FBXL7: variants seen among roughly 807,000 people sequenced by gnomAD.
The protein encoded by FBXL7 is F-box and leucine rich repeat protein 7.
FBXL7 carries 12 observed loss-of-function variants against 38.3 expected under a neutral mutation model. That is an observed-to-expected ratio of 0.31 (90% CI 0.20 to 0.51). The LOEUF (loss-of-function observed/expected upper bound fraction) is 0.51, where lower values mean the gene tolerates loss of function less well. FBXL7 is among the 20% of genes least tolerant of loss of function. FBXL7 has a pLI of 0.98. For missense variants in FBXL7, 567 were observed against 676.4 expected, an observed-to-expected ratio of 0.84 and a Z score of 1.79; for synonymous variants, 297 against 300.9, an observed-to-expected ratio of 0.99 and a Z score of 0.13.
intron 2 of FBXL7, among the ~76,000 whole-genome samples, chr5:15,717,607 A>G (rs1744079051): frequency 2.0e-5 from 3 of 152,190 alleles, no homozygotes; most frequent in African/African-American, 7.2e-5. Flanking sequence ...GCATATTATA[A>G]TGTTTGGATG....
rs539507648 is a variant in FBXL7 at position 15,638,473 on chromosome 5, C to T, written c.127+22401C>T. On this transcript the variant is annotated intron_variant, in intron 2 of 3. Coordinates refer to ENST00000504595, the MANE Select transcript of FBXL7 (RefSeq NM_012304.5). ...CACCCTAGGCCTGTCTAATGAGAATCGGTATTTAAATATAACTTCTCCAAG... is the reference window on the plus strand; with the variant it reads ...CACCCTAGGCCTGTCTAATGAGAATTGGTATTTAAATATAACTTCTCCAAG... Among the ~76,000 whole-genome samples the T allele has an allele frequency of 4.2e-4, 64 of 152,242 alleles. 1 individual carries two copies. The highest frequency in any genetic ancestry group is 8.4e-4 in the Non-Finnish European group (57 of 68,032).
chr5:15,860,809 G>C (rs1375995877), intron 2 of FBXL7, among the ~76,000 whole-genome samples: 1 of 152,146 alleles, frequency 6.6e-6, no homozygotes, highest in African/African-American at 2.4e-5. Flanking sequence ...GAGTATTAGA[G>C]TTGACAGGAG....
intron 2 of FBXL7, among the ~76,000 whole-genome samples, chr5:15,682,517 A>G (rs1256944332): frequency 6.6e-6 from 1 of 152,120 alleles, no homozygotes; most frequent in Non-Finnish European, 1.5e-5. Context: ...TATTTTGGTA[A>G]ATAAAAATAT....
chr5:15,676,809 A>T (rs2126604843), intron 2 of FBXL7, among the ~76,000 whole-genome samples: 1 of 152,334 alleles, frequency 6.6e-6, no homozygotes, highest in South Asian at 2.1e-4. Flanking sequence ...TAGCTAGGAA[A>T]GCACTCATGA....
intron 2 of FBXL7, among the ~76,000 whole-genome samples, chr5:15,656,756 T>C (rs1741895259): frequency 6.6e-6 from 1 of 151,876 alleles, no homozygotes; most frequent in South Asian, 2.1e-4. Flanking sequence ...CTAATAGCCA[T>C]GTATAATTTG....
chr5:15,740,603 A>G (rs532094797), intron 2 of FBXL7, among the ~76,000 whole-genome samples: 28 of 152,340 alleles, frequency 1.8e-4, no homozygotes, highest in African/African-American at 5.1e-4. Context: ...TGAATCACAA[A>G]TGAGGGTGTT....
At chr5:15,627,594 G>A (rs1740860986) in intron 2 of FBXL7, among the ~76,000 whole-genome samples, 1 of 152,164 alleles carries the variant, frequency 6.6e-6, no homozygotes, top group Non-Finnish European at 1.5e-5. Context: ...TTTCAATGGA[G>A]CCCATATTTT....
At chr5:15,726,253 G>A (rs1456086919) in intron 2 of FBXL7, among the ~76,000 whole-genome samples, 4 of 151,702 alleles carry the variant, frequency 2.6e-5, no homozygotes, top group African/African-American at 9.7e-5. Context: ...TATATTTTTG[G>A]ATCTAAAATA....
intron 2 of FBXL7, among the ~76,000 whole-genome samples, chr5:15,901,597 G>A (rs982571689): frequency 5.3e-5 from 8 of 152,132 alleles, no homozygotes; most frequent in Non-Finnish European, 1.0e-4. Context: ...GATTCTAAGT[G>A]ACCCACAAGA....
At chr5:15,647,809 GT>G (rs2126565529) in intron 2 of FBXL7, among the ~76,000 whole-genome samples, 2 of 152,326 alleles carry the variant, frequency 1.3e-5, no homozygotes, top group African/African-American at 4.8e-5. Context: ...GTAGGCAATA[GT>G]TTCTCATTTT....
chr5:15,769,636 A>T (rs936654200), intron 2 of FBXL7, among the ~76,000 whole-genome samples: 7 of 152,226 alleles, frequency 4.6e-5, no homozygotes, highest in African/African-American at 1.7e-4. Context: ...TCAAAATAAG[A>T]AAAATGTTTC....
intron 1 of FBXL7, among the ~76,000 whole-genome samples, chr5:15,549,286 C>T (rs138728337): frequency 1.3e-4 from 20 of 152,182 alleles, no homozygotes; most frequent in East Asian, 5.8e-4. Flanking sequence ...TTGTGGAACA[C>T]GTACAGTTGG....
chr5:15,774,043 A>AT (rs1736797421), intron 2 of FBXL7, among the ~76,000 whole-genome samples: 1 of 151,710 alleles, frequency 6.6e-6, no homozygotes, highest in African/African-American at 2.4e-5. Context: ...ACAAAAAAAA[A>AT]CCCCACAAGC....
At chr5:15,655,218 G>C (rs1247656546) in intron 2 of FBXL7, among the ~76,000 whole-genome samples, 1 of 152,152 alleles carries the variant, frequency 6.6e-6, no homozygotes, top group Non-Finnish European at 1.5e-5. Flanking sequence ...ACTTTTGGCT[G>C]GGTGCGGTGG....
chr5:15,701,021 G>C (rs1743505620), intron 2 of FBXL7, among the ~76,000 whole-genome samples: 1 of 152,006 alleles, frequency 6.6e-6, no homozygotes, highest in African/African-American at 2.4e-5. Flanking sequence ...CCTTTAATCA[G>C]TTCCTATATG....
At chr5:15,780,304 A>G (rs1423143531) in intron 2 of FBXL7, among the ~76,000 whole-genome samples, 1 of 152,144 alleles carries the variant, frequency 6.6e-6, no homozygotes. Flanking sequence ...TACTGGAAGG[A>G]ACCCCAGGTA....
intron 2 of FBXL7, among the ~76,000 whole-genome samples, chr5:15,789,238 G>A (rs1737211602): frequency 6.6e-6 from 1 of 152,072 alleles, no homozygotes; most frequent in Admixed American, 6.5e-5. Flanking sequence ...AGCCATCAGA[G>A]TTTGGAATAA....
At chr5:15,736,146 G>A (rs1026146402) in intron 2 of FBXL7, among the ~76,000 whole-genome samples, 1 of 152,124 alleles carries the variant, frequency 6.6e-6, no homozygotes, top group Admixed American at 6.5e-5. Flanking sequence ...AATATTCAAT[G>A]CATTTAAGTT....
chr5:15,666,326 T>C (rs950270922), intron 2 of FBXL7, among the ~76,000 whole-genome samples: 7 of 152,220 alleles, frequency 4.6e-5, no homozygotes, highest in Admixed American at 6.5e-5. Flanking sequence ...AAGTGTGCAA[T>C]TCAGTGGTAG....
Sources: allele counts gnomAD v4.1 joint callset (sites outside exome capture counted in the v4.1 genomes callset), GRCh38; gene constraint gnomAD v4.1.1; transcripts MANE v1.5; gene names NCBI Gene and HGNC (gene_info 2026-07-23, HGNC 2026-07-21).